The following TGFBR1 variants were observed in gnomAD, a reference collection of about 807,000 sequenced individuals.
TGFBR1 encodes the protein TGF-beta receptor type-1.
TGFBR1 carries 20 observed loss-of-function variants against 55.1 expected under a neutral mutation model. The observed-to-expected ratio is 0.36, with a 90% CI of 0.26 to 0.53. The LOEUF is 0.53. TGFBR1 is among the 20% of genes least tolerant of loss of function. TGFBR1 has a pLI of 0.91. For synonymous variants in TGFBR1, 220 were observed against 214.8 expected (o/e 1.02, Z -0.21); for missense variants, 385 against 617.6 (o/e 0.62, Z 3.99).
intron 1 of TGFBR1, among the ~76,000 whole-genome samples, chr9:99,114,552 A>C (rs1826678736): frequency 6.6e-6 from 1 of 152,214 alleles, no homozygotes; most frequent in Non-Finnish European, 1.5e-5. Flanking sequence ...TTGAGGGTTC[A>C]ATTTAGTGCT....
intron 2 of TGFBR1, among the ~76,000 whole-genome samples, chr9:99,131,650 A>G (rs1194623186): frequency 1.3e-5 from 2 of 151,836 alleles, no homozygotes; most frequent in Admixed American, 6.6e-5. Context: ...AAAAAAAAGT[A>G]AAAGATATGT....
chr9:99,131,054 C>G (rs1827208786), intron 2 of TGFBR1, among the ~76,000 whole-genome samples: 1 of 151,726 alleles, frequency 6.6e-6, no homozygotes, highest in African/African-American at 2.4e-5. Context: ...TATCAGAATT[C>G]CAGAAAAAGG....
Position 99,153,084 on chromosome 9 carries a change from C to T in TGFBR1, c.*3779C>T, listed in dbSNP as rs201887512. 67 of 227,244 alleles carry T rather than the reference C, an allele frequency of 2.9e-4. No homozygotes were observed. Among genetic ancestry groups the T allele is most frequent in the South Asian group, 3.7e-4 (2 of 5,458 alleles). 14.1% of individuals were successfully genotyped at this position (227,244 alleles called of 1,614,324 possible). A position where few individuals can be genotyped will look rare whatever the true frequency, so the allele number is the denominator to read the frequency against. On this transcript the variant is annotated 3_prime_UTR_variant, in exon 9 of 9. Coordinates refer to ENST00000374994, the MANE Select transcript of TGFBR1 (RefSeq NM_004612.4). The stretch of plus-strand genomic sequence containing the variant: ...ACCATGTTTTGATACCCCTTTTTCA[C>T]GTTGTGCCAACGGAATAGGGTGTTT...
chr9:99,146,699 C>T (rs1827808387), intron 7 of TGFBR1, 90 bp downstream of exon 7: 5 of 1,580,082 alleles, frequency 3.2e-6, no homozygotes, highest in Middle Eastern at 1.7e-4. Context: ...AAATTATGTA[C>T]AGTCCATTAT....
intron 1 of TGFBR1, among the ~76,000 whole-genome samples, chr9:99,114,324 C>CT (rs1826669206): frequency 6.6e-6 from 1 of 152,160 alleles, no homozygotes; most frequent in Non-Finnish European, 1.5e-5. Flanking sequence ...ATACTTAGCT[C>CT]TGAGTTTTCT....
At chr9:99,135,313 AT>A (rs1295823868) in intron 3 of TGFBR1, among the ~76,000 whole-genome samples, 1 of 152,156 alleles carries the variant, frequency 6.6e-6, no homozygotes, top group Non-Finnish European at 1.5e-5. Flanking sequence ...TTTCCCTTCT[AT>A]TCATTATAAA....
chr9:99,105,638 G>C (rs1302784161), intron 1 of TGFBR1, among the ~76,000 whole-genome samples: 1 of 152,050 alleles, frequency 6.6e-6, no homozygotes, highest in African/African-American at 2.4e-5. Context: ...GCGAGGGCCA[G>C]GGGCGGAGAG....
At chr9:99,128,481 A>T (rs1211286972) in intron 1 of TGFBR1, among the ~76,000 whole-genome samples, 2 of 142,074 alleles carry the variant, frequency 1.4e-5, no homozygotes, top group African/African-American at 2.9e-5. Context: ...CTGGTAAAAA[A>T]AAAAAAAAAA....
intron 6 of TGFBR1, 102 bp from the exon 7 acceptor site, chr9:99,146,383 G>T (rs568398030): frequency 1.0e-5 from 13 of 1,266,366 alleles, no homozygotes; most frequent in Non-Finnish European, 1.5e-5. Flanking sequence ...ATGTAATATT[G>T]TGTACATATG....
intron 1 of TGFBR1, among the ~76,000 whole-genome samples, chr9:99,113,484 G>T (rs556983424): frequency 6.6e-6 from 1 of 152,124 alleles, no homozygotes; most frequent in Non-Finnish European, 1.5e-5. Flanking sequence ...CATGTGACTT[G>T]GTTGTCAGAA....
At chr9:99,103,847 G>C (rs1826329935), upstream of TGFBR1, among the ~76,000 whole-genome samples, 2 of 152,290 alleles carry the variant, frequency 1.3e-5, no homozygotes, top group African/African-American at 4.8e-5. Context: ...TTCACAGGTG[G>C]GGAAAATGCT....
chr9:99,149,541 C>A lies in TGFBR1; in HGVS notation c.*236C>A. 1 of 494,838 alleles carries A rather than the reference C, an allele frequency of 2.0e-6. No individual in the cohort carries two copies. Among genetic ancestry groups the A allele is most frequent in the Non-Finnish European group, 3.6e-6 (1 of 276,270 alleles). The allele number at this position is 494,838 out of a possible 1,614,324, so 30.7% of individuals were successfully genotyped here. On this transcript the variant is annotated 3_prime_UTR_variant, in exon 9 of 9. Transcript: ENST00000374994. ...TTTCCCAGGACAGAAAATGTGTAGT[C>A]TACCTTTATTTTTTATTAACAAAAC... is the stretch of plus-strand genomic sequence containing the variant.
At chr9:99,114,971 C>G (rs1429129094) in intron 1 of TGFBR1, among the ~76,000 whole-genome samples, 1 of 152,124 alleles carries the variant, frequency 6.6e-6, no homozygotes, top group Non-Finnish European at 1.5e-5. Context: ...TGTGGCCCTA[C>G]TGTACTGGTC....
intron 1 of TGFBR1, chr9:99,128,072 A>G (rs924428577): frequency 2.2e-6 from 1 of 452,640 alleles, no homozygotes; most frequent in Non-Finnish European, 4.4e-6. Flanking sequence ...ATCTGTGTGT[A>G]TGAGAAGGTG....
intron 2 of TGFBR1, among the ~76,000 whole-genome samples, chr9:99,132,220 G>A (rs964618764): frequency 6.6e-6 from 1 of 152,202 alleles, no homozygotes; most frequent in African/African-American, 2.4e-5. Flanking sequence ...GATGTGATAA[G>A]TGGGGAAGGT....
In TGFBR1 at chr9:99,146,570, T is replaced by C. The variant is rs200062984; in HGVS notation, c.1216T>C (p.Leu406=). 8.0e-5 allele frequency: 129 copies of C among 1,614,018 alleles called. No individual in the cohort carries two copies. The East Asian group carries it at 2.1e-3, about 26-fold the overall frequency. The change falls in exon 7 of 9, where the codon TTA becomes CTA. Residue 406 remains leucine (L), a synonymous_variant. Coordinates refer to ENST00000374994, the MANE Select transcript of TGFBR1 (RefSeq NM_004612.4). ...FKRADIYAMG[L]VFWEIARRCS... is the part of the protein sequence containing the mutation. Reference sequence around the variant, plus strand: ...ACGTGCTGACATCTATGCAATGGGCTTAGTATTCTGGGAAATTGCTCGACG... The same window carrying C: ...ACGTGCTGACATCTATGCAATGGGCCTAGTATTCTGGGAAATTGCTCGACG...
At chr9:99,119,075 A>T (rs1826830295) in intron 1 of TGFBR1, among the ~76,000 whole-genome samples, 1 of 152,180 alleles carries the variant, frequency 6.6e-6, no homozygotes, top group South Asian at 2.1e-4. Context: ...TACACAGGTT[A>T]CATTCACTGT....
chr9:99,105,739 G>T (rs1181425498), intron 1 of TGFBR1, among the ~76,000 whole-genome samples: 1 of 152,192 alleles, frequency 6.6e-6, no homozygotes. Flanking sequence ...CCCGCCCCAA[G>T]AGGGTCCGTG....
intron 4 of TGFBR1, among the ~76,000 whole-genome samples, chr9:99,139,428 T>TA (rs1564163900): frequency 6.6e-6 from 1 of 152,210 alleles, no homozygotes; most frequent in Non-Finnish European, 1.5e-5. Context: ...TTGACTTTTA[T>TA]TTGTAGAAAA....
Sources: allele counts gnomAD v4.1 joint callset (sites outside exome capture counted in the v4.1 genomes callset), GRCh38; gene constraint gnomAD v4.1.1; transcripts MANE v1.5; gene names NCBI Gene and HGNC (gene_info 2026-07-23, HGNC 2026-07-21).